ZFYVE28: variants seen among roughly 807,000 people sequenced by gnomAD.
ZFYVE28 encodes lateral signaling target protein 2 homolog.
In ZFYVE28, 40 loss-of-function variants were observed where a neutral mutation model predicts 82.1. That is an observed-to-expected ratio of 0.49 (90% CI 0.38 to 0.63). The LOEUF (loss-of-function observed/expected upper bound fraction) is 0.63, where lower values mean the gene tolerates loss of function less well. Among genes scored for constraint, ZFYVE28 ranks in the 30% least tolerant of loss-of-function variants. The pLI is 0.00. For synonymous variants in ZFYVE28, 612 were observed against 546.1 expected, an observed-to-expected ratio of 1.12 and a Z score of -1.68; for missense variants, 1,321 against 1,242.1, an observed-to-expected ratio of 1.06 and a Z score of -0.96.
chr4:2,402,772 A>G (rs1372248814), intron 1 of ZFYVE28, among the ~76,000 whole-genome samples: 3 of 152,214 alleles, frequency 2.0e-5, no homozygotes, highest in Admixed American at 2.0e-4. Context: ...ATCTAATGAT[A>G]CACCAGTGCT....
At chr4:2,313,496 A>T (rs1006946889) in intron 7 of ZFYVE28, among the ~76,000 whole-genome samples, 4 of 152,108 alleles carry the variant, frequency 2.6e-5, no homozygotes, top group African/African-American at 9.7e-5. Flanking sequence ...GGGCTCAAAC[A>T]ATCCATCCAC....
intron 7 of ZFYVE28, chr4:2,316,493 C>A (rs1188936868): frequency 1.3e-5 from 2 of 152,392 alleles, no homozygotes; most frequent in African/African-American, 2.4e-5. Flanking sequence ...CAGGTGCATG[C>A]CACCACACTT....
At chr4:2,281,634 T>C (rs1192651379) in intron 8 of ZFYVE28, among the ~76,000 whole-genome samples, 2 of 152,130 alleles carry the variant, frequency 1.3e-5, no homozygotes, top group East Asian at 3.9e-4. Context: ...CCTCATCACC[T>C]CTTTAAGGTC....
At position 2,417,159 on chromosome 4, in the gene ZFYVE28, C is replaced by A. The variant is rs548295762; in HGVS notation, c.39+1126G>T. Reference sequence around the variant, plus strand: ...GCCTCGGACGTCCGAGCTGCCCGGACGAAGCGCTGGCCCCACTCCCGCCCT... The same window carrying A: ...GCCTCGGACGTCCGAGCTGCCCGGAAGAAGCGCTGGCCCCACTCCCGCCCT... On this transcript the variant is annotated intron_variant, in intron 1 of 12. Transcript: ENST00000290974. This position sits in a 1 kb window ranked among gnomAD's most constrained non-coding sequence, Gnocchi z 4.8. 1.3e-5 allele frequency among the ~76,000 whole-genome samples: 2 copies of A among 152,142 alleles called. No individual in the cohort carries two copies. The highest frequency in any genetic ancestry group is 2.9e-5 in the Non-Finnish European group (2 of 68,004).
At chr4:2,399,138 G>GCA (rs1730890479) in intron 1 of ZFYVE28, among the ~76,000 whole-genome samples, 4 of 145,042 alleles carry the variant, frequency 2.8e-5, no homozygotes, top group South Asian at 2.2e-4. Flanking sequence ...GCTGGGTGGT[G>GCA]AGATCCAGGG....
chr4:2,304,747 G>A lies in ZFYVE28; in HGVS notation c.1593C>T (p.Val531=), dbSNP rs746230136. ...PKSPTSLDSA[V]ATQEAASEPV... is the part of the protein sequence containing the mutation. ...GCTCCGAGGCGGCCTCCTGGGTGGC[G>A]ACCGCAGAGTCCAGGGAAGTGGGCG... Residue 531 remains valine (V), a synonymous_variant, in exon 8 of 13, where the codon GTC becomes GTT. Transcript: ENST00000290974. 7.9e-5 allele frequency: 128 copies of A among 1,612,484 alleles called. No individual in the cohort carries two copies. Among genetic ancestry groups the A allele is most frequent in the Middle Eastern group, 1.6e-4 (1 of 6,082 alleles).
At chr4:2,361,017 G>T (rs879555363) in intron 1 of ZFYVE28, among the ~76,000 whole-genome samples, 2 of 152,088 alleles carry the variant, frequency 1.3e-5, no homozygotes, top group Non-Finnish European at 2.9e-5. Flanking sequence ...ATATAAATAG[G>T]AAGTACTCAC....
At chr4:2,334,275 G>A (rs1415555541) in intron 6 of ZFYVE28, among the ~76,000 whole-genome samples, 1 of 152,096 alleles carries the variant, frequency 6.6e-6, no homozygotes, top group East Asian at 1.9e-4. Context: ...CCTCCCGGAG[G>A]AGGTGGCACC....
Position 2,305,446 on chromosome 4 carries a change from T to C in ZFYVE28, c.894A>G (p.Ala298=). 1.2e-6 allele frequency: 2 copies of C among 1,612,932 alleles called. No homozygotes were observed. Among genetic ancestry groups the C allele is most frequent in the Non-Finnish European group, 1.7e-6 (2 of 1,180,008 alleles). ...ISQDVEFPIR[A]DVQGPAALAP... ...CCAGGGCAGCGGGTCCCTGCACGTCTGCGCGGATGGGGAACTCCACGTCTT... is the reference window on the plus strand; with the variant it reads ...CCAGGGCAGCGGGTCCCTGCACGTCCGCGCGGATGGGGAACTCCACGTCTT... Residue 298 remains alanine, a synonymous_variant, in exon 8 of 13, where the codon GCA becomes GCG. Transcript: ENST00000290974.
chr4:2,306,679 G>A (rs1304627464), intron 7 of ZFYVE28, among the ~76,000 whole-genome samples: 1 of 152,166 alleles, frequency 6.6e-6, no homozygotes, highest in Non-Finnish European at 1.5e-5. Flanking sequence ...TCCAAATGCT[G>A]CCCATTTGGG....
At chr4:2,333,221 CCCCCCCTGCTGCCCTTCCCTGA>C (rs1721004967) in intron 6 of ZFYVE28, among the ~76,000 whole-genome samples, 10 of 46,814 alleles carry the variant, frequency 2.1e-4, no homozygotes, top group South Asian at 7.6e-4. Context: ...CCTTCCCTGA[CCCCCCCTGCTGCCCTTCCCTGA>C]CCCCCCACAC....
At chr4:2,400,076 T>G (rs1731011663) in intron 1 of ZFYVE28, among the ~76,000 whole-genome samples, 1 of 152,184 alleles carries the variant, frequency 6.6e-6, no homozygotes, top group African/African-American at 2.4e-5. Flanking sequence ...TCCCCGGAGC[T>G]CCTCAGGGCG....
rs1255898363 is a variant in ZFYVE28 at position 2,304,442 on chromosome 4, T to C, written c.1898A>G (p.Lys633Arg). 1.9e-6 allele frequency: 3 copies of C among 1,613,670 alleles called. No homozygotes were observed. Among genetic ancestry groups the C allele is most frequent in the Admixed American group, 1.7e-5 (1 of 60,022 alleles). Residue 633 changes from lysine to arginine, a missense_variant, in exon 8 of 13, where the codon AAG (lysine) becomes AGG (arginine). Physicochemically the swap from Lys to Arg is conservative, Grantham distance 26. This residue lies in a region of ZFYVE28 where 978 missense variants were observed against 833.7 expected (regional missense o/e 1.17). Transcript: ENST00000290974. The part of the protein sequence containing the change: ...GREPKAPTSD[K>R]CLPHTSGSQV... The stretch of plus-strand genomic sequence containing the variant: ...GGAACCTGAGGTGTGAGGCAGGCAC[T>C]TGTCGGAAGTGGGGGCTTTGGGCTC...
intron 1 of ZFYVE28, among the ~76,000 whole-genome samples, chr4:2,355,321 G>A (rs187662010): frequency 5.0e-5 from 6 of 119,904 alleles, no homozygotes; most frequent in African/African-American, 1.3e-4. Flanking sequence ...TCACTCTGTC[G>A]CCCAGGCTGG....
intron 1 of ZFYVE28, among the ~76,000 whole-genome samples, chr4:2,357,247 C>T (rs1725463139): frequency 6.6e-6 from 1 of 152,200 alleles, no homozygotes; most frequent in Non-Finnish European, 1.5e-5. Flanking sequence ...AGCTTCCCCT[C>T]CCCTAGAATT....
intron 1 of ZFYVE28, among the ~76,000 whole-genome samples, chr4:2,384,799 C>G (rs558058936): frequency 6.6e-6 from 1 of 152,180 alleles, no homozygotes; most frequent in Non-Finnish European, 1.5e-5. Flanking sequence ...CAGGAGCCAC[C>G]TCACTCACCT....
intron 8 of ZFYVE28, among the ~76,000 whole-genome samples, chr4:2,302,323 A>G (rs1275926700): frequency 6.6e-6 from 1 of 152,222 alleles, no homozygotes; most frequent in Non-Finnish European, 1.5e-5. Context: ...GAACCACACA[A>G]ATATAAAGTT....
rs983057317 is a variant in ZFYVE28 at position 2,416,299 on chromosome 4, T to C, written c.39+1986A>G. 2.0e-5 allele frequency among the ~76,000 whole-genome samples: 3 copies of C among 152,154 alleles called. No homozygotes were observed. Among genetic ancestry groups the C allele is most frequent in the African/African-American group, 7.2e-5 (3 of 41,416 alleles). On this transcript the variant is annotated intron_variant, in intron 1 of 12. Transcript: ENST00000290974. The surrounding 1 kb of genome is among the most constrained non-coding windows in gnomAD (Gnocchi z 4.6). ...CTCATGAAACAGAGTCTACAATTAT[T>C]TTTCCTTCCTTTTCAACACGATTAG...
chr4:2,350,994 T>C (rs1208780125), intron 2 of ZFYVE28, among the ~76,000 whole-genome samples: 1 of 152,208 alleles, frequency 6.6e-6, no homozygotes, highest in East Asian at 1.9e-4. Context: ...AGTGTTTCCC[T>C]GAGTTCTGTG....
Sources: allele counts gnomAD v4.1 joint callset (sites outside exome capture counted in the v4.1 genomes callset), GRCh38; gene constraint gnomAD v4.1.1; regional missense constraint gnomAD v4.1.1; non-coding constraint Gnocchi (gnomAD v3.1); transcripts MANE v1.5; gene names NCBI Gene and HGNC (gene_info 2026-07-23, HGNC 2026-07-21).